PBX3: variants seen among roughly 807,000 people sequenced by gnomAD.
PBX3 encodes pre-B-cell leukemia transcription factor 3.
Under a neutral mutation model 48.5 loss-of-function variants are expected in PBX3, and 14 were observed. That is an observed-to-expected ratio of 0.29 (90% CI 0.19 to 0.45). PBX3 has a LOEUF of 0.45. Among genes scored for constraint, PBX3 ranks in the 20% least tolerant of loss-of-function variants. PBX3 has a pLI of 1.00. For synonymous variants in PBX3, 210 were observed against 200.3 expected, an observed-to-expected ratio of 1.05 and a Z score of -0.41; for missense variants, 386 against 546.7, an observed-to-expected ratio of 0.71 and a Z score of 2.93.
chr9:125,899,140 G>A (rs1236833616), intron 2 of PBX3, among the ~76,000 whole-genome samples: 1 of 149,078 alleles, frequency 6.7e-6, no homozygotes, highest in Non-Finnish European at 1.5e-5. Flanking sequence ...AGTCTTTTAT[G>A]TCATATGCTA....
intron 2 of PBX3, among the ~76,000 whole-genome samples, chr9:125,763,623 C>T (rs925782005): frequency 2.0e-5 from 3 of 152,082 alleles, no homozygotes; most frequent in Non-Finnish European, 4.4e-5. Flanking sequence ...AAACTGGTAA[C>T]AACTGGTGGT....
intron 2 of PBX3, among the ~76,000 whole-genome samples, chr9:125,908,090 A>G (rs1306167551): frequency 6.6e-6 from 1 of 152,158 alleles, no homozygotes; most frequent in African/African-American, 2.4e-5. Flanking sequence ...AGATTATCAT[A>G]TTAACAAATG....
intron 2 of PBX3, among the ~76,000 whole-genome samples, chr9:125,883,783 G>C (rs1178853886): frequency 6.6e-6 from 1 of 152,190 alleles, no homozygotes; most frequent in Non-Finnish European, 1.5e-5. Context: ...CAGTTGGAAA[G>C]ATAAAACAGC....
chr9:125,871,362 C>G (rs2132321196), intron 2 of PBX3, among the ~76,000 whole-genome samples: 1 of 136,978 alleles, frequency 7.3e-6, no homozygotes, highest in Middle Eastern at 4.4e-3. Context: ...GTCTGGGTGA[C>G]AGTGCAAGAC....
At chr9:125,927,132 CTT>C (rs1223429465) in intron 3 of PBX3, among the ~76,000 whole-genome samples, 1 of 152,156 alleles carries the variant, frequency 6.6e-6, no homozygotes, top group African/African-American at 2.4e-5. Flanking sequence ...GAATTCTTCT[CTT>C]ATGATTCAGG....
rs1384383368 is a variant in PBX3, at chr9:125,839,210, CAT to C, written c.275-76472_275-76471del. ...AATTAAATGAAATTGTACATGAAAA[CAT>C]ATAGTCAAGCGCTTTACCCACAGAA... On this transcript the variant is annotated intron_variant, in intron 2 of 8. Coordinates refer to ENST00000373489, the MANE Select transcript of PBX3 (RefSeq NM_006195.6). Among the ~76,000 whole-genome samples, 13 of 152,284 alleles carry C rather than the reference CAT, an allele frequency of 8.5e-5. No homozygotes were observed. The East Asian group carries it at 2.1e-3, about 25-fold the overall frequency.
intron 2 of PBX3, among the ~76,000 whole-genome samples, chr9:125,856,601 A>G (rs963173846): frequency 1.3e-5 from 2 of 152,140 alleles, no homozygotes; most frequent in Admixed American, 6.6e-5. Flanking sequence ...CAGTCCCAGC[A>G]TAAAACTAAA....
chr9:125,841,783 T>C (rs947588781), intron 2 of PBX3, among the ~76,000 whole-genome samples: 1 of 152,176 alleles, frequency 6.6e-6, no homozygotes, highest in Non-Finnish European at 1.5e-5. Context: ...GGAGATTAAG[T>C]TGATCTCTTA....
intron 5 of PBX3, among the ~76,000 whole-genome samples, chr9:125,938,691 A>G (rs148852757): frequency 1.0e-3 from 152 of 152,346 alleles, no homozygotes; most frequent in African/African-American, 3.4e-3. Context: ...AAAACGTCCA[A>G]GAAAGGCCAG....
chr9:125,780,094 C>T (rs1416868499), intron 2 of PBX3, among the ~76,000 whole-genome samples: 5 of 107,888 alleles, frequency 4.6e-5, no homozygotes, highest in Admixed American at 8.9e-5. Flanking sequence ...CCGGACGGGG[C>T]GGCTGGCTGG....
At chr9:125,922,045 C>T (rs749695100) in intron 3 of PBX3, among the ~76,000 whole-genome samples, 24 of 151,990 alleles carry the variant, frequency 1.6e-4, no homozygotes, top group African/African-American at 4.6e-4. Context: ...AAGGCAAAAA[C>T]GAGGTTGAAT....
At chr9:125,747,744 G>A in intron 1 of PBX3, 91 bp downstream of exon 1, 1 of 959,390 alleles carries the variant, frequency 1.0e-6, no homozygotes. Flanking sequence ...CGGGGCTAGG[G>A]CCGCAGCCCC....
At chr9:125,809,184 A>T (rs1838215043) in intron 2 of PBX3, among the ~76,000 whole-genome samples, 1 of 152,202 alleles carries the variant, frequency 6.6e-6, no homozygotes, top group South Asian at 2.1e-4. Flanking sequence ...TTCAGCTGGG[A>T]ATGTGGGTGT....
At chr9:125,816,589 T>C (rs1388336362) in intron 2 of PBX3, among the ~76,000 whole-genome samples, 2 of 152,208 alleles carry the variant, frequency 1.3e-5, no homozygotes, top group African/African-American at 4.8e-5. Context: ...AAGTAAGGGA[T>C]TTACGGATGG....
chr9:125,819,534 G>GA (rs71492457), intron 2 of PBX3, among the ~76,000 whole-genome samples: 12 of 150,406 alleles, frequency 8.0e-5, no homozygotes, highest in Admixed American at 4.6e-4. Flanking sequence ...TCAAAAAAAA[G>GA]AAAAAAAAAT....
chr9:125,756,809 A>G (rs1836530514), intron 2 of PBX3, among the ~76,000 whole-genome samples: 1 of 152,180 alleles, frequency 6.6e-6, no homozygotes, highest in Non-Finnish European at 1.5e-5. Context: ...TGTGAAGACG[A>G]CTTTTAGTGT....
intron 2 of PBX3, among the ~76,000 whole-genome samples, chr9:125,892,881 C>T (rs1840682126): frequency 6.6e-6 from 1 of 152,158 alleles, no homozygotes; most frequent in Non-Finnish European, 1.5e-5. Context: ...ATAATAGTAG[C>T]TTGGGTGAAG....
chr9:125,763,857 G>T (rs376382152), intron 2 of PBX3, among the ~76,000 whole-genome samples: 12 of 152,052 alleles, frequency 7.9e-5, no homozygotes, highest in Non-Finnish European at 7.4e-5. Flanking sequence ...TTCCTCTCTG[G>T]TTTTTTTATT....
chr9:125,870,105 T>TCTCAGCTCACTGAGACAGTAGCACG (rs1840083233), intron 2 of PBX3, among the ~76,000 whole-genome samples: 1 of 145,312 alleles, frequency 6.9e-6, no homozygotes, highest in East Asian at 2.0e-4. Flanking sequence ...ACAGTAGCAC[T>TCTCAGCTCACTGAGACAGTAGCACG]ATCTCAGCTC....
Sources: gnomAD v4.1 joint callset for allele counts (sites outside exome capture counted in the v4.1 genomes callset) on GRCh38, gnomAD v4.1.1 for gene constraint, MANE v1.5 for transcripts, NCBI Gene and HGNC (gene_info 2026-07-23, HGNC 2026-07-21) for gene names.